Variants in THADA observed in about 807,000 individuals in gnomAD.
The protein encoded by THADA is THADA armadillo repeat containing, also known as tRNA (32-2'-O)-methyltransferase regulator THADA.
THADA carries 213 observed loss-of-function variants against 219.8 expected under a neutral mutation model. The ratio of observed to expected loss-of-function variants is 0.97; its 90% CI spans 0.87 to 1.09. The LOEUF (loss-of-function observed/expected upper bound fraction) is 1.09. Ranked by LOEUF, THADA falls within the 50% of genes least tolerant of loss-of-function variation. THADA has a pLI of 0.00. For missense variants in THADA, 2,956 were observed against 2,311.3 expected, an observed-to-expected ratio of 1.28 and a Z score of -5.72; for synonymous variants, 1,018 against 828.9, an observed-to-expected ratio of 1.23 and a Z score of -3.92.
intron 26 of THADA, among the ~76,000 whole-genome samples, chr2:43,473,291 CTTGT>C (rs1685133176): frequency 6.6e-6 from 1 of 152,062 alleles, no homozygotes; most frequent in Admixed American, 6.5e-5. Flanking sequence ...ACTTTTTAAA[CTTGT>C]TTGTTAAAAA....
chr2:43,267,155 G>C (rs1161860420), intron 36 of THADA, among the ~76,000 whole-genome samples: 2 of 152,212 alleles, frequency 1.3e-5, no homozygotes, highest in African/African-American at 4.8e-5. Context: ...TACCAAGTTA[G>C]TGAGAATGTT....
chr2:43,554,613 C>G (rs571407671), intron 17 of THADA, among the ~76,000 whole-genome samples: 1 of 152,040 alleles, frequency 6.6e-6, no homozygotes, highest in South Asian at 2.1e-4. Flanking sequence ...AATGAGATAT[C>G]GTTTTATATT....
chr2:43,396,310 C>A (rs763726594), intron 29 of THADA, among the ~76,000 whole-genome samples: 109 of 152,198 alleles, frequency 7.2e-4, no homozygotes, highest in Non-Finnish European at 1.2e-3. Flanking sequence ...GTCACTTCCT[C>A]TGGGACATTT....
intron 29 of THADA, among the ~76,000 whole-genome samples, chr2:43,388,446 T>G (rs1672959964): frequency 6.6e-6 from 1 of 152,206 alleles, no homozygotes; most frequent in Admixed American, 6.5e-5. Context: ...ATGTGCTAGA[T>G]TAATCTATCT....
At chr2:43,442,240 A>G (rs771010159) in intron 26 of THADA, among the ~76,000 whole-genome samples, 26 of 151,990 alleles carry the variant, frequency 1.7e-4, no homozygotes, top group Admixed American at 1.6e-3. Flanking sequence ...GTTTGAGACC[A>G]CTCTGGCCAA....
At chr2:43,567,500 G>A (rs944516432) in intron 14 of THADA, among the ~76,000 whole-genome samples, 4 of 152,088 alleles carry the variant, frequency 2.6e-5, no homozygotes, top group African/African-American at 7.2e-5. Flanking sequence ...GGTGGCAGAG[G>A]CCTGTAGTCC....
At chr2:43,552,809 C>T (rs1482395085) in intron 17 of THADA, among the ~76,000 whole-genome samples, 1 of 149,360 alleles carries the variant, frequency 6.7e-6, no homozygotes, top group East Asian at 1.9e-4. Context: ...TGCCACCAAA[C>T]GAAAAAAAAA....
chr2:43,446,698 C>T (rs1368471993), intron 26 of THADA, among the ~76,000 whole-genome samples: 1 of 152,120 alleles, frequency 6.6e-6, no homozygotes, highest in Non-Finnish European at 1.5e-5. Flanking sequence ...TGTCATGCAG[C>T]AATACGTAAT....
At chr2:43,436,455 T>C (rs1001958005) in intron 26 of THADA, among the ~76,000 whole-genome samples, 3 of 152,216 alleles carry the variant, frequency 2.0e-5, no homozygotes, top group African/African-American at 4.8e-5. Flanking sequence ...CTCCCTCAGA[T>C]GACCTGAAGC....
intron 26 of THADA, among the ~76,000 whole-genome samples, chr2:43,451,038 A>G (rs1476048782): frequency 6.6e-6 from 1 of 152,238 alleles, no homozygotes; most frequent in Non-Finnish European, 1.5e-5. Flanking sequence ...TGGTTACACA[A>G]GAATATAAAT....
chr2:43,443,892 G>A (rs936146386), intron 26 of THADA, among the ~76,000 whole-genome samples: 1 of 152,228 alleles, frequency 6.6e-6, no homozygotes, highest in Non-Finnish European at 1.5e-5. Context: ...GAGAGCAAGA[G>A]TGGCGGTAAC....
chr2:43,593,736 C>T (rs1357822674), intron 1 of THADA, among the ~76,000 whole-genome samples: 1 of 150,752 alleles, frequency 6.6e-6, no homozygotes, highest in Non-Finnish European at 1.5e-5. Context: ...TGGGTTCAGG[C>T]CATTCTCCTG....
chr2:43,568,659 G>C (rs77216148), intron 14 of THADA, among the ~76,000 whole-genome samples: 21 of 152,236 alleles, frequency 1.4e-4, no homozygotes, highest in Non-Finnish European at 2.9e-4. Context: ...CTTGCAAAAA[G>C]AAAGCAAACG....
chr2:43,428,335 C>A (rs544776926), intron 27 of THADA, 104 bp from the exon 28 acceptor site: 29 of 1,162,462 alleles, frequency 2.5e-5, no homozygotes, highest in South Asian at 8.7e-5. Context: ...TGGCCGGGTG[C>A]GGTGACTAAT....
chr2:43,578,532 G>C lies in THADA; in HGVS notation c.797C>G (p.Ser266Cys). ...ILFIKTMFHPSEKIPHLISSV... is the reference protein window; with the variant it reads ...ILFIKTMFHPCEKIPHLISSV... Reference sequence around the variant, plus strand: ...ACTTACCAAATGAGGAATCTTTTCAGACGGGTGAAACATAGTCTTAATAAA... The same window carrying C: ...ACTTACCAAATGAGGAATCTTTTCACACGGGTGAAACATAGTCTTAATAAA... The change falls in exon 9 of 38, where the codon TCT becomes TGT. Residue 266 changes from serine (S) to cysteine (C), a missense_variant. Physicochemically the swap from Ser to Cys is moderately radical, Grantham distance 112. Coordinates refer to ENST00000405975, the MANE Select transcript of THADA (RefSeq NM_022065.5). The C allele has an allele frequency of 6.2e-7, 1 of 1,611,628 alleles. No individual in the cohort carries two copies. Among genetic ancestry groups the C allele is most frequent in the East Asian group, 2.2e-5 (1 of 44,838 alleles).
At chr2:43,581,569 A>G (rs1339336850) in intron 8 of THADA, among the ~76,000 whole-genome samples, 172 bp downstream of exon 8, 2 of 151,528 alleles carry the variant, frequency 1.3e-5, no homozygotes, top group Non-Finnish European at 2.9e-5. Context: ...GAAAAGAAAA[A>G]AAAAAAAAAC....
intron 19 of THADA, 42 bp downstream of exon 19, chr2:43,551,747 A>T: frequency 1.9e-6 from 3 of 1,570,944 alleles, no homozygotes; most frequent in Non-Finnish European, 2.6e-6. Context: ...AGACATAATA[A>T]TCAAACCACA....
intron 29 of THADA, among the ~76,000 whole-genome samples, chr2:43,369,469 C>T (rs1001962691): frequency 1.1e-4 from 17 of 152,288 alleles, no homozygotes; most frequent in Admixed American, 1.1e-3. Context: ...GGGGGATACA[C>T]CTTCTTATCC....
intron 29 of THADA, among the ~76,000 whole-genome samples, chr2:43,386,762 T>C (rs533478340): frequency 3.3e-5 from 5 of 151,956 alleles, no homozygotes; most frequent in African/African-American, 4.8e-5. Flanking sequence ...CAGGTGCCAG[T>C]GGCGCGTGCC....
Sources: gnomAD v4.1 joint callset for allele counts (sites outside exome capture counted in the v4.1 genomes callset) on GRCh38, gnomAD v4.1.1 for gene constraint, MANE v1.5 for transcripts, NCBI Gene and HGNC (gene_info 2026-07-23, HGNC 2026-07-21) for gene names.